The following CSNK2A2IP variants were observed in gnomAD, a reference collection of about 807,000 sequenced individuals.
CSNK2A2IP encodes the protein casein kinase 2 subunit alpha' interacting protein.
the CSNK2A2IP span, among the ~76,000 whole-genome samples, chr3:88,455,276 T>C: frequency 6.6e-6 from 1 of 151,948 alleles, no homozygotes; most frequent in Non-Finnish European, 1.5e-5. Context: ...GTTCTTAAAT[T>C]TTTTAGGAAT....
At chr3:88,440,578 G>C in the CSNK2A2IP span, among the ~76,000 whole-genome samples, 254 of 152,124 alleles carry the variant, frequency 1.7e-3, 1 homozygote, top group Non-Finnish European at 2.9e-3. Flanking sequence ...TTTTGGAAAA[G>C]AAAAAAGTAC....
the CSNK2A2IP span, among the ~76,000 whole-genome samples, chr3:88,402,380 C>T: frequency 6.6e-6 from 1 of 151,928 alleles, no homozygotes; most frequent in Non-Finnish European, 1.5e-5. Context: ...TTAAATTGAC[C>T]AGGATCCAGC....
the CSNK2A2IP span, among the ~76,000 whole-genome samples, chr3:88,421,978 A>G: frequency 1.2e-4 from 18 of 152,200 alleles, no homozygotes; most frequent in Admixed American, 9.2e-4. Context: ...ACACAGCTAC[A>G]CTATGAATCT....
chr3:88,397,591 G>T, the CSNK2A2IP span, among the ~76,000 whole-genome samples: 2 of 152,216 alleles, frequency 1.3e-5, no homozygotes. Flanking sequence ...TATAAAATAT[G>T]AAAGAGTTTG....
At chr3:88,465,628 C>G in the CSNK2A2IP span, 11 of 1,231,548 alleles carry the variant, frequency 8.9e-6, no homozygotes, top group South Asian at 4.5e-4. Flanking sequence ...TCTGAATTCA[C>G]CATTGTTCCA....
the CSNK2A2IP span, chr3:88,466,075 T>A: frequency 3.2e-6 from 4 of 1,231,526 alleles, no homozygotes; most frequent in Non-Finnish European, 4.0e-6. Flanking sequence ...CAATCAAAGA[T>A]CTTTGAGTTC....
chr3:88,370,932 G>T, the CSNK2A2IP span, among the ~76,000 whole-genome samples: 2 of 151,668 alleles, frequency 1.3e-5, no homozygotes, highest in African/African-American at 4.8e-5. Flanking sequence ...ATAGAGAAAA[G>T]GCCAGGTGAG....
the CSNK2A2IP span, among the ~76,000 whole-genome samples, chr3:88,389,194 G>A: frequency 2.0e-5 from 3 of 151,824 alleles, no homozygotes; most frequent in Non-Finnish European, 4.4e-5. Flanking sequence ...TTTAAAATAG[G>A]GGGTTCAGGA....
At chr3:88,459,988 C>G in the CSNK2A2IP span, among the ~76,000 whole-genome samples, 1 of 151,964 alleles carries the variant, frequency 6.6e-6, no homozygotes, top group South Asian at 2.1e-4. Context: ...AAACTTTGAA[C>G]TATTTTTATC....
At chr3:88,410,576 T>C in the CSNK2A2IP span, among the ~76,000 whole-genome samples, 562 of 152,212 alleles carry the variant, frequency 3.7e-3, 2 homozygotes, top group Middle Eastern at 0.017. Flanking sequence ...ATTATAGACT[T>C]TGGTTATTAT....
the CSNK2A2IP span, among the ~76,000 whole-genome samples, chr3:88,445,451 A>G: frequency 2.2e-4 from 33 of 152,136 alleles, no homozygotes; most frequent in Non-Finnish European, 4.6e-4. Context: ...TCAAAAAAAT[A>G]TAAAATAAAA....
chr3:88,444,360 G>T, the CSNK2A2IP span, among the ~76,000 whole-genome samples: 6 of 152,246 alleles, frequency 3.9e-5, no homozygotes, highest in Middle Eastern at 3.4e-3. Context: ...ATGTCAAAAA[G>T]TTCTAAAGCT....
At chr3:88,400,455 T>C in the CSNK2A2IP span, among the ~76,000 whole-genome samples, 2 of 152,168 alleles carry the variant, frequency 1.3e-5, no homozygotes, top group Non-Finnish European at 2.9e-5. Context: ...CATGAGTATA[T>C]TATCATACAT....
the CSNK2A2IP span, among the ~76,000 whole-genome samples, chr3:88,449,315 T>C: frequency 6.6e-6 from 1 of 152,320 alleles, no homozygotes; most frequent in East Asian, 1.9e-4. Context: ...TTTCTGTGAA[T>C]GCTCATGATT....
At chr3:88,466,260 G>T in the CSNK2A2IP span, 1 of 1,231,614 alleles carries the variant, frequency 8.1e-7, no homozygotes, top group African/African-American at 1.6e-5. Flanking sequence ...CAAAAGCAAG[G>T]CAATCAGCAT....
the CSNK2A2IP span, among the ~76,000 whole-genome samples, chr3:88,459,080 A>G: frequency 2.9e-3 from 440 of 152,318 alleles, 2 homozygotes; most frequent in African/African-American, 9.8e-3. Context: ...GCAATTTCCA[A>G]TGATAAGTTT....
chr3:88,409,863 A>C, the CSNK2A2IP span, among the ~76,000 whole-genome samples: 1 of 152,092 alleles, frequency 6.6e-6, no homozygotes, highest in Non-Finnish European at 1.5e-5. Flanking sequence ...AACAATAAAA[A>C]CTCAAATTAT....
At chr3:88,406,751 T>TA in the CSNK2A2IP span, among the ~76,000 whole-genome samples, 6 of 152,336 alleles carry the variant, frequency 3.9e-5, no homozygotes, top group South Asian at 1.2e-3. Context: ...CCTGTGTAGT[T>TA]AAAATTCTTT....
At chr3:88,367,491 TAA>T in the CSNK2A2IP span, among the ~76,000 whole-genome samples, 2 of 152,042 alleles carry the variant, frequency 1.3e-5, no homozygotes, top group Non-Finnish European at 2.9e-5. Flanking sequence ...GTAATTAAGA[TAA>T]AAAAAGATTT....
Sources: gnomAD v4.1 joint callset for allele counts (sites outside exome capture counted in the v4.1 genomes callset) on GRCh38, gnomAD v4.1.1 for gene constraint, MANE v1.5 for transcripts, NCBI Gene and HGNC (gene_info 2026-07-23, HGNC 2026-07-21) for gene names.